Variants in B3GALT1 observed in about 807,000 individuals in gnomAD.
B3GALT1 encodes beta-1,3-galactosyltransferase 1, also known as UDP-Gal:betaGlcNAc beta 1,3-galactosyltransferase, polypeptide 1.
B3GALT1 carries 10 observed loss-of-function variants against 23.2 expected under a neutral mutation model. The observed-to-expected ratio is 0.43, with a 90% CI of 0.27 to 0.73. The LOEUF (loss-of-function observed/expected upper bound fraction) is 0.73, where lower values mean the gene tolerates loss of function less well. B3GALT1 is among the 30% of genes least tolerant of loss of function. The probability of loss-of-function intolerance (pLI) is 0.21; values close to 1 mark genes in which losing one functional copy is unlikely to be tolerated. For missense variants in B3GALT1, 299 were observed against 405.4 expected (o/e 0.74, Z 2.25); for synonymous variants, 156 against 141.5 (o/e 1.10, Z -0.73).
intron 1 of B3GALT1, among the ~76,000 whole-genome samples, chr2:167,394,758 A>G (rs73021753): frequency 0.033 from 4,965 of 152,274 alleles, 262 homozygotes; most frequent in African/African-American, 0.11. Flanking sequence ...AGACCAGAAG[A>G]CAAAATTGTA....
intron 2 of B3GALT1, among the ~76,000 whole-genome samples, chr2:167,619,069 G>T (rs1404083287): frequency 6.6e-6 from 1 of 151,606 alleles, no homozygotes; most frequent in African/African-American, 2.4e-5. Context: ...AGTTGTCAAT[G>T]ATTTTCTAAT....
intron 2 of B3GALT1, among the ~76,000 whole-genome samples, chr2:167,538,859 T>G (rs758179993): frequency 3.3e-5 from 5 of 152,124 alleles, no homozygotes; most frequent in Non-Finnish European, 7.4e-5. Flanking sequence ...TATGCCTGCT[T>G]CTAGAGTGCT....
chr2:167,693,274 A>C (rs1442438806), intron 3 of B3GALT1, among the ~76,000 whole-genome samples: 2 of 152,088 alleles, frequency 1.3e-5, no homozygotes, highest in Non-Finnish European at 2.9e-5. Context: ...AGATAGAAAC[A>C]AAAAAAGAGA....
At chr2:167,319,622 G>T (rs1009663929) in intron 1 of B3GALT1, among the ~76,000 whole-genome samples, 2 of 151,796 alleles carry the variant, frequency 1.3e-5, no homozygotes, top group Non-Finnish European at 2.9e-5. Context: ...TGAAAAACAA[G>T]CAAAAAAGCA....
intron 2 of B3GALT1, among the ~76,000 whole-genome samples, chr2:167,596,677 T>C (rs1684779298): frequency 6.6e-6 from 1 of 152,154 alleles, no homozygotes; most frequent in African/African-American, 2.4e-5. Flanking sequence ...GGATTTTTTT[T>C]TGTAGAAAAG....
At chr2:167,797,620 T>C (rs10202340) in intron 3 of B3GALT1, among the ~76,000 whole-genome samples, 18,060 of 152,088 alleles carry the variant, frequency 0.12, 2,364 homozygotes, top group East Asian at 0.3. Context: ...TCCTTTTTCT[T>C]CGCAACCTCA....
At chr2:167,711,033 C>T (rs2105518316) in intron 3 of B3GALT1, among the ~76,000 whole-genome samples, 1 of 152,172 alleles carries the variant, frequency 6.6e-6, no homozygotes, top group South Asian at 2.1e-4. Flanking sequence ...GTAAGATGAT[C>T]CCTCTCTCCC....
intron 1 of B3GALT1, among the ~76,000 whole-genome samples, chr2:167,409,587 T>C (rs1202033990): frequency 6.6e-6 from 1 of 151,942 alleles, no homozygotes; most frequent in Non-Finnish European, 1.5e-5. Context: ...TTGTGCTGTG[T>C]TTTTCAGCTC....
At chr2:167,321,433 A>G (rs1469609263) in intron 1 of B3GALT1, among the ~76,000 whole-genome samples, 1 of 152,016 alleles carries the variant, frequency 6.6e-6, no homozygotes, top group Non-Finnish European at 1.5e-5. Context: ...TTTCCATTGT[A>G]CCACCTACTT....
chr2:167,392,895 AACACTTGTGAAAAAGCCGTAC>A (rs1698036759), intron 1 of B3GALT1, among the ~76,000 whole-genome samples: 2 of 152,178 alleles, frequency 1.3e-5, no homozygotes, highest in Non-Finnish European at 2.9e-5. Context: ...CTCTAGAACG[AACACTTGTGAAAAAGCCGTAC>A]GTTTCTGGGC....
chr2:167,689,011 A>G (rs1686664859), intron 3 of B3GALT1, among the ~76,000 whole-genome samples: 1 of 152,104 alleles, frequency 6.6e-6, no homozygotes, highest in Non-Finnish European at 1.5e-5. Flanking sequence ...TTACTTAAAT[A>G]CTTTTTAGAA....
intron 3 of B3GALT1, among the ~76,000 whole-genome samples, chr2:167,798,163 G>T (rs1232917209): frequency 6.6e-6 from 1 of 152,140 alleles, no homozygotes; most frequent in Non-Finnish European, 1.5e-5. Flanking sequence ...ATTTCTTTAA[G>T]TTTCTTGTAG....
chr2:167,326,746 A>G (rs980730605), intron 1 of B3GALT1, among the ~76,000 whole-genome samples: 74 of 151,986 alleles, frequency 4.9e-4, no homozygotes, highest in Middle Eastern at 3.4e-3. Context: ...CTGGAGTGCA[A>G]TGGTATGATC....
At chr2:167,364,999 A>C (rs1464522723) in intron 1 of B3GALT1, among the ~76,000 whole-genome samples, 1 of 152,170 alleles carries the variant, frequency 6.6e-6, no homozygotes, top group African/African-American at 2.4e-5. Context: ...CTGTACTTTA[A>C]ATGTTTGAAA....
At chr2:167,766,359 A>G (rs961841005) in intron 3 of B3GALT1, among the ~76,000 whole-genome samples, 1 of 152,334 alleles carries the variant, frequency 6.6e-6, no homozygotes. Flanking sequence ...GTAGCCACAT[A>G]GGAAAATCAC....
At chr2:167,697,690 A>G (rs764060919) in intron 3 of B3GALT1, among the ~76,000 whole-genome samples, 16 of 152,344 alleles carry the variant, frequency 1.1e-4, no homozygotes, top group East Asian at 7.7e-4. Flanking sequence ...AAGTATTCCA[A>G]TGGAAGTAGG....
chr2:167,749,479 A>G (rs931689907), intron 3 of B3GALT1, among the ~76,000 whole-genome samples: 1 of 152,202 alleles, frequency 6.6e-6, no homozygotes, highest in Non-Finnish European at 1.5e-5. Context: ...AAGAGACAAC[A>G]AACATTGATT....
At chr2:167,479,732 G>C (rs1699535261) in intron 1 of B3GALT1, among the ~76,000 whole-genome samples, 1 of 151,968 alleles carries the variant, frequency 6.6e-6, no homozygotes, top group South Asian at 2.1e-4. Flanking sequence ...TTTCTTGCCT[G>C]CTGCACAGAC....
chr2:167,794,545 C>T (rs1180720305), intron 3 of B3GALT1, among the ~76,000 whole-genome samples: 1 of 152,178 alleles, frequency 6.6e-6, no homozygotes, highest in Non-Finnish European at 1.5e-5. Flanking sequence ...CTGACTCCTC[C>T]CTAGCCAACC....
Sources: allele counts gnomAD v4.1 joint callset (sites outside exome capture counted in the v4.1 genomes callset), GRCh38; gene constraint gnomAD v4.1.1; transcripts MANE v1.5; gene names NCBI Gene and HGNC (gene_info 2026-07-23, HGNC 2026-07-21).